LAMA5: variants seen among roughly 807,000 people sequenced by gnomAD.
The protein encoded by LAMA5 is laminin subunit alpha-5.
A neutral mutation model predicts 433.4 loss-of-function variants in LAMA5; 260 were observed. The observed-to-expected ratio is 0.60, with a 90% confidence interval of 0.54 to 0.66. The LOEUF (loss-of-function observed/expected upper bound fraction) is 0.66. Among genes scored for constraint, LAMA5 ranks in the 30% least tolerant of loss-of-function variants. The pLI is 0.00. For missense variants in LAMA5, 5,378 were observed against 5,258.5 expected, an observed-to-expected ratio of 1.02 and a Z score of -0.70; for synonymous variants, 2,620 against 2,226.6, an observed-to-expected ratio of 1.18 and a Z score of -4.97.
chr20:62,362,597 C>G, intron 1 of LAMA5, 45 bp from the exon 2 acceptor site: 1 of 1,420,934 alleles, frequency 7.0e-7, no homozygotes. Flanking sequence ...AGGGCCGGGG[C>G]CCCCTTCCTC....
intron 40 of LAMA5, 124 bp downstream of exon 40, chr20:62,326,553 G>A (rs77015722): frequency 4.8e-5 from 35 of 735,352 alleles, no homozygotes; most frequent in Non-Finnish European, 7.2e-5. Context: ...CCCCCACCCC[G>A]CTTCTGCTCC....
At chr20:62,317,052 G>C (rs762565741) in intron 55 of LAMA5, 29 bp from the exon 56 acceptor site, 4 of 1,508,770 alleles carry the variant, frequency 2.7e-6, no homozygotes, top group South Asian at 1.3e-5. Context: ...TCGAAGGAGT[G>C]GGTAAGCGCA....
At position 62,334,014 on chromosome 20, in the gene LAMA5, A is replaced by G. The variant is rs370252345; in HGVS notation, c.2765T>C (p.Leu922Pro). The change falls in exon 23 of 80, where the codon CTG becomes CCG. Residue 922 changes from leucine (L) to proline (P), a missense_variant. Coordinates refer to ENST00000252999, the MANE Select transcript of LAMA5 (RefSeq NM_005560.6). Reference sequence around the variant, plus strand: ...GAGCCAGAAAAGGTCAGGGGAGGTCAGGTTCAGCCTGGCCACGATCCTGGG... The same window carrying G: ...GAGCCAGAAAAGGTCAGGGGAGGTCGGGTTCAGCCTGGCCACGATCCTGGG... ...VQPRIVARLN[L>P]TSPDLFWLVF... 6 of 1,612,788 alleles carry G rather than the reference A, an allele frequency of 3.7e-6. No homozygotes were observed. Among genetic ancestry groups the G allele is most frequent in the African/African-American group, 1.3e-5 (1 of 74,922 alleles).
Position 62,329,235 on chromosome 20 carries a change from G to A in LAMA5, c.4138C>T (p.Pro1380Ser), listed in dbSNP as rs1296539074. The A allele has an allele frequency of 1.9e-6, 3 of 1,612,370 alleles. No individual in the cohort carries two copies. Among genetic ancestry groups the A allele is most frequent in the Admixed American group, 3.3e-5 (2 of 60,002 alleles). ...WLWLDYVLVVPENVYSFGYLR... is the reference protein window; with the variant it reads ...WLWLDYVLVVSENVYSFGYLR... ...TAGCCAAAGCTGTAGACGTTCTCAG[G>A]GACCACGAGTACATAATCCTAGGGG... The change falls in exon 33 of 80, where the codon CCT becomes TCT. Residue 1380 changes from proline to serine, a missense_variant. By Grantham distance (74) the Pro-to-Ser change is moderately conservative. Coordinates refer to ENST00000252999, the MANE Select transcript of LAMA5 (RefSeq NM_005560.6).
At chr20:62,311,816 T>TCGC in intron 70 of LAMA5, 32 bp from the exon 71 acceptor site, 1 of 1,521,012 alleles carries the variant, frequency 6.6e-7, no homozygotes, top group Non-Finnish European at 8.9e-7. Context: ...GCTCGGTTTT[T>TCGC]CCCCACCCTG....
Position 62,330,497 on chromosome 20 carries a change from C to A in LAMA5, c.3970G>T (p.Val1324Leu). ...PVEVLINAGR[V>L]WQGHANASFC... Reference sequence around the variant, plus strand: ...CACACCAGACACTCACCCTGCCACACGCGGCCGGCGTTGATGAGGACTTCC... The same window carrying A: ...CACACCAGACACTCACCCTGCCACAAGCGGCCGGCGTTGATGAGGACTTCC... The change falls in exon 31 of 80, where the codon GTG becomes TTG. Residue 1324 changes from valine to leucine, a missense_variant. By Grantham distance (32) the Val-to-Leu change is conservative. Coordinates refer to ENST00000252999, the MANE Select transcript of LAMA5 (RefSeq NM_005560.6). The A allele has an allele frequency of 2.6e-6, 4 of 1,553,036 alleles. No individual in the cohort carries two copies. Among genetic ancestry groups the A allele is most frequent in the Non-Finnish European group, 3.5e-6 (4 of 1,147,946 alleles).
rs199798998 is a variant in LAMA5 at position 62,320,849 on chromosome 20, G to T, written c.6538C>A (p.Arg2180=). ...ATGGCGGGGAGGAGGGCGCCGGCCC[G>T]TTCCAGGTCATCCAGGAGCAGGACC... ...CVVLLLDDLE[R]AGALLPAIHE... Residue 2180 remains arginine (R), a synonymous_variant, in exon 49 of 80, where the codon CGG becomes AGG. Coordinates refer to ENST00000252999, the MANE Select transcript of LAMA5 (RefSeq NM_005560.6). The T allele has an allele frequency of 6.2e-7, 1 of 1,612,272 alleles. No homozygotes were observed. Among genetic ancestry groups the T allele is most frequent in the East Asian group, 2.2e-5 (1 of 44,862 alleles).
Position 62,313,175 on chromosome 20 carries a change from G to A in LAMA5, c.8868C>T (p.Phe2956=), listed in dbSNP as rs773999144. 9.4e-6 allele frequency: 15 copies of A among 1,591,150 alleles called. No individual in the cohort carries two copies. The Admixed American group carries it at 1.1e-4, about 11-fold the overall frequency. Residue 2956 remains phenylalanine, a synonymous_variant, in exon 65 of 80, where the codon TTC becomes TTT. Coordinates refer to ENST00000252999, the MANE Select transcript of LAMA5 (RefSeq NM_005560.6). ...GCTTGGTGGTGCTGATCTGACTGTC[G>A]AAGCTGATGCGGGCGAAGCCGGTGC... ...LDGTGFARIS[F]DSQISTTKRF... is the part of the protein sequence containing the mutation.
rs1341136395 is a variant in LAMA5, at chr20:62,326,457, C to T, written c.5298+220G>A. The T allele has an allele frequency of 5.6e-6, 3 of 532,980 alleles. No homozygotes were observed. The African/African-American group carries it at 5.7e-5, about 10-fold the overall frequency. The allele number at this position is 532,980 out of a possible 1,614,324, so 33.0% of individuals were successfully genotyped here. ...GCTCACCCCTCAGGGATCAGGGACT[C>T]ACAAAGCAGGTGGGAAGACAGCATG... On this transcript the variant is annotated intron_variant, in intron 40 of 79. Transcript: ENST00000252999.
chr20:62,362,649 A>C, intron 1 of LAMA5, 97 bp from the exon 2 acceptor site: 1 of 1,152,738 alleles, frequency 8.7e-7, no homozygotes, highest in Non-Finnish European at 1.1e-6. Flanking sequence ...TCCTGGTCCC[A>C]CTGAGCTGGT....
Position 62,358,306 on chromosome 20 carries a change from G to T in LAMA5, c.450+4094C>A, listed in dbSNP as rs1485619375. On this transcript the variant is annotated intron_variant, in intron 2 of 79. Coordinates refer to ENST00000252999, the MANE Select transcript of LAMA5 (RefSeq NM_005560.6). ...TATCCTGTGCCAGGGGAGGGGAGTGGTGCCTCCCAGGACCCCCGCCGTACC... is the reference window on the plus strand; with the variant it reads ...TATCCTGTGCCAGGGGAGGGGAGTGTTGCCTCCCAGGACCCCCGCCGTACC... Among the ~76,000 whole-genome samples the T allele has an allele frequency of 2.6e-5, 4 of 152,112 alleles. No individual in the cohort carries two copies. The East Asian group carries it at 7.7e-4, about 29-fold the overall frequency.
chr20:62,346,283 G>T, intron 9 of LAMA5, 68 bp from the exon 10 acceptor site: 1 of 1,547,840 alleles, frequency 6.5e-7, no homozygotes. Context: ...CCAAGATGTG[G>T]CAGTCTCTAC....
At chr20:62,341,010 G>A (rs1982506663) in intron 11 of LAMA5, among the ~76,000 whole-genome samples, 1 of 151,918 alleles carries the variant, frequency 6.6e-6, no homozygotes, top group Non-Finnish European at 1.5e-5. Context: ...CTGGACGCCA[G>A]CCTGGGTGAC....
intron 79 of LAMA5, 46 bp from the exon 80 acceptor site, chr20:62,309,521 A>G (rs749046307): frequency 6.8e-7 from 1 of 1,469,280 alleles, no homozygotes; most frequent in Non-Finnish European, 9.1e-7. Flanking sequence ...GTGGGCAGCT[A>G]GAGACCCACA....
At position 62,314,976 on chromosome 20, in the gene LAMA5, C is replaced by T. The variant is rs754532940; in HGVS notation, c.8048-29G>A. 1.4e-5 allele frequency: 22 copies of T among 1,578,730 alleles called. No individual in the cohort carries two copies. In the South Asian group the frequency reaches 2.2e-4, roughly 15 times the overall value. ...CAGAGAGGGAGACCTGAGACCTTTG[C>T]CCCCCACCGTGCCCGCCTCCATCAG... On this transcript the variant is annotated intron_variant, in intron 59 of 79. Transcript: ENST00000252999.
chr20:62,322,274 C>T lies in LAMA5; in HGVS notation c.6341G>A (p.Cys2114Tyr). The change falls in exon 47 of 80, where the codon TGC becomes TAC. Residue 2114 changes from cysteine (C) to tyrosine (Y), a missense_variant. Coordinates refer to ENST00000252999, the MANE Select transcript of LAMA5 (RefSeq NM_005560.6). ...PGYWGLPEQGCRRCQCPGGRC... is the reference protein window; with the variant it reads ...PGYWGLPEQGYRRCQCPGGRC... ...TGTGACCGGCCAGCACTCACGCCTG[C>T]AGCCCTGCTCAGGGAGCCCCCAGTA... 3 of 1,595,194 alleles carry T rather than the reference C, an allele frequency of 1.9e-6. No individual in the cohort carries two copies. Among genetic ancestry groups the T allele is most frequent in the Non-Finnish European group, 2.6e-6 (3 of 1,173,908 alleles).
At chr20:62,350,379 C>T (rs1232177608) in intron 6 of LAMA5, among the ~76,000 whole-genome samples, 1 of 152,148 alleles carries the variant, frequency 6.6e-6, no homozygotes, top group African/African-American at 2.4e-5. Context: ...CAGCCCAAGT[C>T]CTCCGGCTCA....
Position 62,312,711 on chromosome 20 carries a change from T to C in LAMA5, c.9148A>G (p.Ser3050Gly), listed in dbSNP as rs1456196133. 1.2e-6 allele frequency: 2 copies of C among 1,602,422 alleles called. No homozygotes were observed. Among genetic ancestry groups the C allele is most frequent in the South Asian group, 1.1e-5 (1 of 89,654 alleles). The change falls in exon 67 of 80, where the codon AGC (serine) becomes GGC (glycine). Residue 3050 changes from serine (S) to glycine (G), a missense_variant. By Grantham distance (56) the Ser-to-Gly change is moderately conservative. Transcript: ENST00000252999. ...TCCAGATCATTGTCCTGCTCCACGC[T>C]GTACACCGTGGCCCGCTCCACACGC... Reference protein sequence around the residue: ...LVRVERATVYSVEQDNDLELA... With the variant: ...LVRVERATVYGVEQDNDLELA...
At position 62,334,571 on chromosome 20, in the gene LAMA5, T is replaced by C. The variant is rs1981184783; in HGVS notation, c.2533A>G (p.Thr845Ala). Reference protein sequence around the residue: ...GALGQSCEPRTGVCRCRPNTQ... With the variant: ...GALGQSCEPRAGVCRCRPNTQ... ...TTGGGGCGGCACCGGCAGACGCCCG[T>C]CCTCGGTTCACAGCTCTGGCCCAGT... The change falls in exon 21 of 80, where the codon ACG (threonine) becomes GCG (alanine). Residue 845 changes from threonine to alanine, a missense_variant. Transcript: ENST00000252999. 6.5e-7 allele frequency: 1 copy of C among 1,548,302 alleles called. No individual in the cohort carries two copies. Among genetic ancestry groups the C allele is most frequent in the African/African-American group, 1.4e-5 (1 of 72,996 alleles).
Sources: gnomAD v4.1 joint callset for allele counts (sites outside exome capture counted in the v4.1 genomes callset) on GRCh38, gnomAD v4.1.1 for gene constraint, MANE v1.5 for transcripts, NCBI Gene and HGNC (gene_info 2026-07-23, HGNC 2026-07-21) for gene names.